The following AKAP6 variants were observed in gnomAD, a reference collection of about 807,000 sequenced individuals.
AKAP6 encodes the protein A-kinase anchoring protein 6.
AKAP6 carries 58 observed loss-of-function variants against 188.5 expected under a neutral mutation model. That is an observed-to-expected ratio of 0.31 (90% CI 0.25 to 0.38). The LOEUF (loss-of-function observed/expected upper bound fraction) is 0.38. Ranked by LOEUF, AKAP6 falls within the 10% of genes least tolerant of loss-of-function variation. The pLI is 1.00. For synonymous variants in AKAP6, 989 were observed against 998.6 expected (o/e 0.99, Z 0.18); for missense variants, 2,710 against 2,740.0 (o/e 0.99, Z 0.24).
intron 2 of AKAP6, among the ~76,000 whole-genome samples, chr14:32,512,908 A>G (rs1881330280): frequency 6.6e-6 from 1 of 152,220 alleles, no homozygotes; most frequent in African/African-American, 2.4e-5. Flanking sequence ...GTGAAAGTAA[A>G]CATAAGTTTA....
At chr14:32,409,855 T>G (rs1889424861) in intron 1 of AKAP6, among the ~76,000 whole-genome samples, 1 of 152,122 alleles carries the variant, frequency 6.6e-6, no homozygotes, top group African/African-American at 2.4e-5. Flanking sequence ...CTTCTCTTGA[T>G]TATGTATGAG....
chr14:32,568,162 G>A lies in AKAP6; in HGVS notation c.2347-8958G>A, dbSNP rs1884288387. On this transcript the variant is annotated intron_variant, in intron 4 of 13. Transcript: ENST00000280979. The surrounding 1 kb of genome is among the most constrained non-coding windows in gnomAD (Gnocchi z 6.2). ...GAGCTGGGGTTCTCAGAGAAGCTTGGAAAATAGGAGTGAACAACAGAGAAT... is the reference window on the plus strand; with the variant it reads ...GAGCTGGGGTTCTCAGAGAAGCTTGAAAAATAGGAGTGAACAACAGAGAAT... Among the ~76,000 whole-genome samples the A allele has an allele frequency of 6.6e-6, 1 of 152,184 alleles. No homozygotes were observed. The highest frequency in any genetic ancestry group is 1.5e-5 in the Non-Finnish European group (1 of 68,036).
intron 9 of AKAP6, among the ~76,000 whole-genome samples, chr14:32,708,019 C>T (rs1328023116): frequency 6.6e-6 from 1 of 152,044 alleles, no homozygotes; most frequent in East Asian, 1.9e-4. Flanking sequence ...AATTCTATGG[C>T]TAGTCTCCAG....
intron 7 of AKAP6, among the ~76,000 whole-genome samples, chr14:32,650,434 G>A (rs1888166625): frequency 1.3e-5 from 2 of 152,140 alleles, no homozygotes; most frequent in Admixed American, 1.3e-4. Flanking sequence ...CCAACACGGT[G>A]AAACTCCATT....
chr14:32,600,514 G>A (rs2139350368), intron 6 of AKAP6, 115 bp from the exon 7 acceptor site: 1 of 1,165,668 alleles, frequency 8.6e-7, no homozygotes, highest in Non-Finnish European at 1.2e-6. Flanking sequence ...TGATGGTAAT[G>A]GTCATTTAAA....
chr14:32,447,878 TA>T (rs987299132), intron 2 of AKAP6, among the ~76,000 whole-genome samples: 5 of 152,186 alleles, frequency 3.3e-5, no homozygotes, highest in African/African-American at 1.2e-4. Flanking sequence ...TTTCAAAGGT[TA>T]AAACAAGTAC....
intron 12 of AKAP6, among the ~76,000 whole-genome samples, chr14:32,808,857 G>A (rs2034153719): frequency 1.3e-5 from 2 of 152,112 alleles, no homozygotes; most frequent in African/African-American, 4.8e-5. Context: ...CCAGCTGCAT[G>A]GAGCAGTGTT....
chr14:32,814,166 A>G (rs368499562), intron 12 of AKAP6, among the ~76,000 whole-genome samples: 9 of 152,222 alleles, frequency 5.9e-5, no homozygotes, highest in African/African-American at 2.2e-4. Context: ...ACTGGCCTCT[A>G]GCACCTGCCC....
chr14:32,649,030 A>G (rs1189337347), intron 7 of AKAP6, among the ~76,000 whole-genome samples: 1 of 152,168 alleles, frequency 6.6e-6, no homozygotes, highest in African/African-American at 2.4e-5. Context: ...AATTAATCAA[A>G]CATCAAAAAA....
At position 32,835,547 on chromosome 14, in the gene AKAP6, C is replaced by T. The variant is rs562432447; in HGVS notation, c.*5742C>T. ...CTTTAAATGTTTTTCTAAAGCAATC[C>T]GAGGAATTAAATTCAGGCCATTTCA... On this transcript the variant is annotated 3_prime_UTR_variant, in exon 14 of 14. Coordinates refer to ENST00000280979, the MANE Select transcript of AKAP6 (RefSeq NM_004274.5). 2.6e-5 allele frequency: 4 copies of T among 152,060 alleles called. No individual in the cohort carries two copies. Among genetic ancestry groups the T allele is most frequent in the South Asian group, 4.1e-4 (2 of 4,822 alleles). 9.4% of individuals were successfully genotyped at this position (152,060 alleles called of 1,614,324 possible).
intron 11 of AKAP6, among the ~76,000 whole-genome samples, chr14:32,770,086 G>A (rs1349573100): frequency 1.3e-5 from 2 of 152,128 alleles, no homozygotes; most frequent in Non-Finnish European, 2.9e-5. Context: ...GAGTGACAGA[G>A]GAAGTCAGTA....
intron 11 of AKAP6, among the ~76,000 whole-genome samples, chr14:32,737,767 T>C (rs946480483): frequency 2.0e-5 from 3 of 152,068 alleles, no homozygotes; most frequent in Non-Finnish European, 4.4e-5. Context: ...CTAAGAGTAA[T>C]GACAGATAAA....
chr14:32,404,691 GATATATAT>G (rs55702209), intron 1 of AKAP6, among the ~76,000 whole-genome samples: 1 of 44,438 alleles, frequency 2.3e-5, no homozygotes, highest in Non-Finnish European at 4.6e-5. Context: ...GGAGTCAGGA[GATATATAT>G]ATATATATAT....
At chr14:32,332,589 T>C (rs1007450928) in intron 1 of AKAP6, among the ~76,000 whole-genome samples, 6 of 152,240 alleles carry the variant, frequency 3.9e-5, no homozygotes, top group African/African-American at 1.4e-4. Flanking sequence ...AGGTCTTACC[T>C]GAGTCAGTAA....
chr14:32,741,018 CT>C (rs765988445), intron 11 of AKAP6, among the ~76,000 whole-genome samples: 4,112 of 136,616 alleles, frequency 0.03, 48 homozygotes, highest in Non-Finnish European at 0.045. Context: ...TTCCTTTTTT[CT>C]TTTTTTTTTT....
intron 2 of AKAP6, chr14:32,434,107 A>C: frequency 3.3e-6 from 1 of 301,014 alleles, no homozygotes; most frequent in Non-Finnish European, 6.2e-6. Flanking sequence ...ACAGAATAAA[A>C]GTATTTAAAA....
intron 11 of AKAP6, among the ~76,000 whole-genome samples, chr14:32,742,112 G>A (rs1296557187): frequency 2.0e-5 from 3 of 151,850 alleles, no homozygotes; most frequent in Admixed American, 6.6e-5. Context: ...TAGGTTGTAT[G>A]TGTCTAGGAA....
chr14:32,574,322 A>T (rs569122352), intron 4 of AKAP6, among the ~76,000 whole-genome samples: 1 of 152,158 alleles, frequency 6.6e-6, no homozygotes. Flanking sequence ...TGTTTCCCCT[A>T]TATCAGACAG....
chr14:32,636,219 C>G (rs565126220), intron 7 of AKAP6, among the ~76,000 whole-genome samples: 1 of 152,230 alleles, frequency 6.6e-6, no homozygotes, highest in African/African-American at 2.4e-5. Flanking sequence ...AACATAATTG[C>G]TGGCAATCAA....
Sources: allele counts gnomAD v4.1 joint callset (sites outside exome capture counted in the v4.1 genomes callset), GRCh38; gene constraint gnomAD v4.1.1; non-coding constraint Gnocchi (gnomAD v3.1); transcripts MANE v1.5; gene names NCBI Gene and HGNC (gene_info 2026-07-23, HGNC 2026-07-21).